PRAG1: variants seen among roughly 807,000 people sequenced by gnomAD.
PRAG1 encodes the protein PEAK1 related, kinase-activating pseudokinase 1.
Under a neutral mutation model 95.6 loss-of-function variants are expected in PRAG1, and 110 were observed. The observed-to-expected ratio is 1.15, with a 90% confidence interval of 0.99 to 1.35. The LOEUF (loss-of-function observed/expected upper bound fraction) is 1.35. Among genes scored for constraint, PRAG1 ranks in the 40% most tolerant of loss-of-function variants. PRAG1 has a pLI of 0.00. For synonymous variants in PRAG1, 1,052 were observed against 819.4 expected (o/e 1.28, Z -4.85); for missense variants, 2,554 against 1,864.7 (o/e 1.37, Z -6.81).
At chr8:8,330,974 A>G (rs890976654) in intron 4 of PRAG1, among the ~76,000 whole-genome samples, 2 of 152,180 alleles carry the variant, frequency 1.3e-5, no homozygotes, top group East Asian at 1.9e-4. Flanking sequence ...AGCCGTGAGC[A>G]CACATCCACT....
chr8:8,350,106 T>C lies in PRAG1; in HGVS notation c.2163-10471A>G, dbSNP rs550511991. 3.9e-5 allele frequency among the ~76,000 whole-genome samples: 6 copies of C among 152,268 alleles called. No individual in the cohort carries two copies. In the South Asian group the frequency reaches 1.0e-3, roughly 26 times the overall value. ...TACTTTAGCATGAGAGATAGAAACA[T>C]TTTTTTAAAGATGACAATTCAGATT... On this transcript the variant is annotated intron_variant, in intron 3 of 5. Coordinates refer to ENST00000615670, the MANE Select transcript of PRAG1 (RefSeq NM_001080826.3).
chr8:8,346,886 T>A (rs887201016), intron 3 of PRAG1, among the ~76,000 whole-genome samples: 1 of 152,204 alleles, frequency 6.6e-6, no homozygotes, highest in Non-Finnish European at 1.5e-5. Flanking sequence ...AAAACCCACA[T>A]ATGCCAGCAT....
At chr8:8,336,880 T>TCCCCCCCCCC (rs1798999218) in intron 4 of PRAG1, among the ~76,000 whole-genome samples, 1 of 130,624 alleles carries the variant, frequency 7.7e-6, no homozygotes, top group Non-Finnish European at 1.6e-5. Flanking sequence ...ACTAAAACCT[T>TCCCCCCCCCC]CCCCCCACTC....
At chr8:8,337,017 A>T (rs1194894060) in intron 4 of PRAG1, among the ~76,000 whole-genome samples, 1 of 151,944 alleles carries the variant, frequency 6.6e-6, no homozygotes, top group Non-Finnish European at 1.5e-5. Context: ...ATGCCCTGGA[A>T]TGACTTTTTC....
intron 2 of PRAG1, among the ~76,000 whole-genome samples, chr8:8,378,448 T>C (rs1211881061): frequency 3.9e-5 from 6 of 152,170 alleles, no homozygotes; most frequent in African/African-American, 1.4e-4. Context: ...TTCCACTGGA[T>C]TGGAAAATGG....
chr8:8,359,070 T>A (rs920454068), intron 3 of PRAG1, among the ~76,000 whole-genome samples: 4 of 152,238 alleles, frequency 2.6e-5, no homozygotes, highest in African/African-American at 4.8e-5. Context: ...TGAAGAGTTA[T>A]TGTTAAAAGC....
Position 8,328,468 on chromosome 8 carries a change from A to C in PRAG1, c.2321-7T>G, listed in dbSNP as rs1798719932. Reference sequence around the variant, plus strand: ...GCCAGCTCAGACGAGGGACCTGAAGAGGAGAGACAGAAACCATAAGACCAA... The same window carrying C: ...GCCAGCTCAGACGAGGGACCTGAAGCGGAGAGACAGAAACCATAAGACCAA... On this transcript the variant is annotated splice_polypyrimidine_tract_variant and splice_region_variant and intron_variant, in intron 4 of 5. Coordinates refer to ENST00000615670, the MANE Select transcript of PRAG1 (RefSeq NM_001080826.3). 1 of 1,612,900 alleles carries C rather than the reference A, an allele frequency of 6.2e-7. No homozygotes were observed. Among genetic ancestry groups the C allele is most frequent in the Non-Finnish European group, 8.5e-7 (1 of 1,179,886 alleles).
At chr8:8,341,340 A>G (rs532328900) in intron 3 of PRAG1, among the ~76,000 whole-genome samples, 4 of 152,354 alleles carry the variant, frequency 2.6e-5, no homozygotes, top group South Asian at 4.1e-4. Context: ...ATATGCACAC[A>G]CACACACATA....
chr8:8,332,896 T>C (rs1245695371), intron 4 of PRAG1, among the ~76,000 whole-genome samples: 2 of 152,192 alleles, frequency 1.3e-5, no homozygotes, highest in African/African-American at 4.8e-5. Flanking sequence ...ATGTTCTTAC[T>C]GTTTGCAACG....
At chr8:8,365,308 C>T (rs1447193216) in intron 3 of PRAG1, among the ~76,000 whole-genome samples, 2 of 152,212 alleles carry the variant, frequency 1.3e-5, no homozygotes, top group Non-Finnish European at 2.9e-5. Context: ...TGCCACCTCA[C>T]TCCCCAATCC....
chr8:8,373,138 T>C (rs1800269093), intron 3 of PRAG1, among the ~76,000 whole-genome samples: 1 of 152,202 alleles, frequency 6.6e-6, no homozygotes, highest in African/African-American at 2.4e-5. Context: ...CAGTGTGTAC[T>C]GGAATTGGTG....
intron 3 of PRAG1, among the ~76,000 whole-genome samples, chr8:8,343,131 A>G (rs1257045527): frequency 6.6e-6 from 1 of 152,228 alleles, no homozygotes; most frequent in Admixed American, 6.5e-5. Flanking sequence ...AAGAAAGGCC[A>G]CTCAACACAT....
At position 8,328,084 on chromosome 8, in the gene PRAG1, C is replaced by T. The variant is rs781265350; in HGVS notation, c.2698G>A (p.Gly900Ser). 1 of 1,607,986 alleles carries T rather than the reference C, an allele frequency of 6.2e-7. No homozygotes were observed. Among genetic ancestry groups the T allele is most frequent in the South Asian group, 1.1e-5 (1 of 90,422 alleles). The change falls in exon 5 of 6, where the codon GGC (glycine) becomes AGC (serine). Residue 900 changes from glycine (G) to serine (S), a missense_variant. Physicochemically the swap from Gly to Ser is moderately conservative, Grantham distance 56. Transcript: ENST00000615670. ...GHWLPAAGLA[G>S]NRGGCGSPGL... Reference sequence around the variant, plus strand: ...GGGCTCCCGCAGCCGCCTCTGTTGCCCGCCAGCCCTGCTGCCGGAAGCCAG... The same window carrying T: ...GGGCTCCCGCAGCCGCCTCTGTTGCTCGCCAGCCCTGCTGCCGGAAGCCAG...
Position 8,318,190 on chromosome 8 carries a change from G to C in PRAG1, c.4185C>G (p.Ala1395=), listed in dbSNP as rs1412438815. 6.2e-7 allele frequency: 1 copy of C among 1,613,918 alleles called. No homozygotes were observed. Among genetic ancestry groups the C allele is most frequent in the South Asian group, 1.1e-5 (1 of 91,074 alleles). The change falls in exon 6 of 6, where the codon GCC becomes GCG. Residue 1395 remains alanine, a synonymous_variant. Coordinates refer to ENST00000615670, the MANE Select transcript of PRAG1 (RefSeq NM_001080826.3). This position sits in a 1 kb window ranked among gnomAD's most constrained non-coding sequence, Gnocchi z 4.2. The part of the protein sequence containing the change: ...CQYLASAEPG[A]LLQSLKLLQL... The stretch of plus-strand genomic sequence containing the variant: ...GCAGGAGCTTCAGCGACTGTAAGAG[G>C]GCCCCGGGCTCCGCAGACGCCAGGT...
chr8:8,324,510 A>C (rs2117106322), intron 5 of PRAG1, among the ~76,000 whole-genome samples: 1 of 151,370 alleles, frequency 6.6e-6, no homozygotes, highest in East Asian at 2.0e-4. Context: ...ATTCCACAGC[A>C]CTGGGTGGGG....
intron 3 of PRAG1, among the ~76,000 whole-genome samples, chr8:8,373,982 A>G (rs1800297954): frequency 6.6e-6 from 1 of 152,162 alleles, no homozygotes; most frequent in African/African-American, 2.4e-5. Flanking sequence ...TTAAAGGAGT[A>G]AATTTTAGTT....
At chr8:8,360,280 C>T (rs543677670) in intron 3 of PRAG1, among the ~76,000 whole-genome samples, 3 of 152,310 alleles carry the variant, frequency 2.0e-5, no homozygotes, top group Admixed American at 6.5e-5. Flanking sequence ...CTTGCCCTCC[C>T]TGTCTTCCAA....
chr8:8,323,270 G>A (rs988114755), intron 5 of PRAG1, among the ~76,000 whole-genome samples: 12 of 151,776 alleles, frequency 7.9e-5, no homozygotes, highest in African/African-American at 2.9e-4. Flanking sequence ...ATGATAGTGA[G>A]TGAGTTCTCA....
rs1171837945 is a variant in PRAG1 at position 8,328,389 on chromosome 8, G to A, written c.2393C>T (p.Ser798Leu). 2.5e-6 allele frequency: 4 copies of A among 1,613,630 alleles called. No homozygotes were observed. The African/African-American group carries it at 5.3e-5, about 22-fold the overall frequency. ...KKLFAPVPFP[S>L]GSTEDVSPSG... ...GGGGGACACGTCCTCAGTGGAGCCT[G>A]AAGGAAACGGAACGGGAGCAAAGAG... Residue 798 changes from serine to leucine, a missense_variant, in exon 5 of 6, where the codon TCA becomes TTA. Ser to Leu is a moderately radical substitution (Grantham distance 145, BLOSUM62 -2). Transcript: ENST00000615670.
Sources: allele counts gnomAD v4.1 joint callset (sites outside exome capture counted in the v4.1 genomes callset), GRCh38; gene constraint gnomAD v4.1.1; non-coding constraint Gnocchi (gnomAD v3.1); transcripts MANE v1.5; gene names NCBI Gene and HGNC (gene_info 2026-07-23, HGNC 2026-07-21).